The following ZNF804B variants were observed in gnomAD, a reference collection of about 807,000 sequenced individuals.
The protein encoded by ZNF804B is zinc finger 804B.
A neutral mutation model predicts 101.4 loss-of-function variants in ZNF804B; 80 were observed. That is an observed-to-expected ratio of 0.79 (90% CI 0.66 to 0.95). ZNF804B has a LOEUF of 0.95. Ranked by LOEUF, ZNF804B falls within the 40% of genes least tolerant of loss-of-function variation. ZNF804B has a pLI of 0.00. For missense variants in ZNF804B, 1,673 were observed against 1,561.9 expected (o/e 1.07, Z -1.20); for synonymous variants, 622 against 558.8 (o/e 1.11, Z -1.59).
At chr7:89,071,199 G>C (rs1263084412) in intron 1 of ZNF804B, among the ~76,000 whole-genome samples, 1 of 151,960 alleles carries the variant, frequency 6.6e-6, no homozygotes, top group Non-Finnish European at 1.5e-5. Context: ...TTTTCTGAGT[G>C]TTTTTGATCT....
rs1791017253 is a variant in ZNF804B at position 89,333,464 on chromosome 7, G to A, written c.482G>A (p.Cys161Tyr). ...ATTAAGAATGGCAGAAAGGTATCAT[G>A]CATGAAGAGTGCTCTTCTCCTTAAA... Reference protein sequence around the residue: ...FPIKNGRKVSCMKSALLLKGK... With the variant: ...FPIKNGRKVSYMKSALLLKGK... Residue 161 changes from cysteine to tyrosine, a missense_variant, in exon 4 of 4, where the codon TGC becomes TAC. Coordinates refer to ENST00000333190, the MANE Select transcript of ZNF804B (RefSeq NM_181646.5). 4 of 1,613,216 alleles carry A rather than the reference G, an allele frequency of 2.5e-6. No individual in the cohort carries two copies. Among genetic ancestry groups the A allele is most frequent in the Non-Finnish European group, 3.4e-6 (4 of 1,179,510 alleles).
chr7:89,335,018 G>C lies in ZNF804B; in HGVS notation c.2036G>C (p.Ser679Thr), dbSNP rs776885775. The change falls in exon 4 of 4, where the codon AGT becomes ACT. Residue 679 changes from serine to threonine, a missense_variant. Ser to Thr is a moderately conservative substitution (Grantham distance 58). Transcript: ENST00000333190. ...HGKDFSVILK[S>T]NHISMTSKVS... ...AAAGACTTCAGTGTAATTTTGAAGA[G>C]TAACCACATCAGCATGACCAGCAAG... The C allele has an allele frequency of 5.6e-6, 9 of 1,613,830 alleles. No homozygotes were observed. Among genetic ancestry groups the C allele is most frequent in the Non-Finnish European group, 6.8e-6 (8 of 1,179,910 alleles).
At chr7:89,140,670 G>C (rs1195596263) in intron 1 of ZNF804B, among the ~76,000 whole-genome samples, 2 of 152,066 alleles carry the variant, frequency 1.3e-5, no homozygotes, top group Non-Finnish European at 2.9e-5. Context: ...AGCCTTCATA[G>C]AATTGAAGTG....
At chr7:88,786,016 G>T (rs1790296615) in intron 1 of ZNF804B, among the ~76,000 whole-genome samples, 1 of 152,058 alleles carries the variant, frequency 6.6e-6, no homozygotes, top group African/African-American at 2.4e-5. Flanking sequence ...GAAAGATCCT[G>T]CATGCTCTCT....
rs112850750 is a variant in ZNF804B, at chr7:89,187,714, C to A, written c.109-30441C>A. On this transcript the variant is annotated intron_variant, in intron 1 of 3. Coordinates refer to ENST00000333190, the MANE Select transcript of ZNF804B (RefSeq NM_181646.5). The stretch of plus-strand genomic sequence containing the variant: ...TATTCAGATTCCTTTCCCTCGAATT[C>A]TTGTCTCACTTTCATATTTTATTGT... Among the ~76,000 whole-genome samples the A allele has an allele frequency of 5.6e-3, 852 of 152,218 alleles. 9 individuals are homozygous for A. The highest frequency in any genetic ancestry group is 0.019 in the African/African-American group (809 of 41,558).
At chr7:89,045,249 ATGGAAATGCC>A (rs1789087707) in intron 1 of ZNF804B, among the ~76,000 whole-genome samples, 1 of 152,230 alleles carries the variant, frequency 6.6e-6, no homozygotes, top group South Asian at 2.1e-4. Context: ...CAGACGACGT[ATGGAAATGCC>A]TGGATGTCCA....
intron 1 of ZNF804B, among the ~76,000 whole-genome samples, chr7:88,854,541 T>TCCCTTCCCTTCCCTTC (rs763702761): frequency 6.8e-5 from 6 of 88,620 alleles, no homozygotes; most frequent in Admixed American, 2.7e-4. Context: ...CTTCCTTCCT[T>TCCCTTCCCTTCCCTTC]CCTTCCTTCC....
At chr7:88,790,421 C>T (rs1350544106) in intron 1 of ZNF804B, among the ~76,000 whole-genome samples, 1 of 152,032 alleles carries the variant, frequency 6.6e-6, no homozygotes, top group Non-Finnish European at 1.5e-5. Context: ...GATGCTCTCC[C>T]TCCCCTTGCA....
At chr7:88,794,144 C>T (rs1229506545) in intron 1 of ZNF804B, 2 of 1,514,686 alleles carry the variant, frequency 1.3e-6, no homozygotes, top group Non-Finnish European at 1.8e-6. Flanking sequence ...GTAGCACAAA[C>T]TCCTTAAGAG....
chr7:89,059,237 G>A (rs532273175), intron 1 of ZNF804B, among the ~76,000 whole-genome samples: 131 of 152,242 alleles, frequency 8.6e-4, no homozygotes, highest in South Asian at 4.8e-3. Context: ...ATTACTTTGT[G>A]CATTAGTCTG....
intron 2 of ZNF804B, among the ~76,000 whole-genome samples, 163 bp downstream of exon 2, chr7:89,218,458 C>G (rs1788930582): frequency 6.6e-6 from 1 of 151,964 alleles, no homozygotes; most frequent in Admixed American, 6.6e-5. Context: ...TAAATGTTAT[C>G]CAAAGTCATT....
chr7:88,908,731 C>A (rs1218047053), intron 1 of ZNF804B, among the ~76,000 whole-genome samples: 1 of 151,742 alleles, frequency 6.6e-6, no homozygotes, highest in Non-Finnish European at 1.5e-5. Flanking sequence ...TGTCATCTGA[C>A]TATTTTTAAA....
intron 1 of ZNF804B, among the ~76,000 whole-genome samples, chr7:89,167,630 G>A (rs1298661032): frequency 6.6e-6 from 1 of 152,070 alleles, no homozygotes; most frequent in Non-Finnish European, 1.5e-5. Flanking sequence ...TGGGAAAATA[G>A]TTTCTAGAAT....
At chr7:89,023,846 C>T (rs565382966) in intron 1 of ZNF804B, among the ~76,000 whole-genome samples, 1 of 152,246 alleles carries the variant, frequency 6.6e-6, no homozygotes, top group Admixed American at 6.5e-5. Context: ...TGAAGCACAA[C>T]ATCACTCTTG....
intron 1 of ZNF804B, among the ~76,000 whole-genome samples, chr7:88,948,809 T>C (rs191870494): frequency 1.3e-5 from 2 of 152,070 alleles, no homozygotes; most frequent in African/African-American, 4.8e-5. Context: ...CTATTTCTAA[T>C]GTTGATGGAG....
intron 1 of ZNF804B, among the ~76,000 whole-genome samples, chr7:88,828,002 T>C (rs1226121813): frequency 3.3e-5 from 5 of 152,134 alleles, no homozygotes; most frequent in Admixed American, 6.6e-5. Context: ...AGCTCTTTTT[T>C]CTTTTTGTCA....
intron 1 of ZNF804B, among the ~76,000 whole-genome samples, chr7:88,802,459 CCA>C (rs1790606742): frequency 1.3e-5 from 2 of 151,900 alleles, no homozygotes; most frequent in Admixed American, 1.3e-4. Context: ...AAATTCTGTA[CCA>C]CACTTACTAA....
intron 2 of ZNF804B, among the ~76,000 whole-genome samples, chr7:89,313,246 T>C (rs1040100246): frequency 6.6e-6 from 1 of 152,230 alleles, no homozygotes; most frequent in African/African-American, 2.4e-5. Context: ...TGTTTCTTCA[T>C]CTTTAAAATT....
At chr7:89,043,808 A>C (rs966649426) in intron 1 of ZNF804B, among the ~76,000 whole-genome samples, 30 of 152,184 alleles carry the variant, frequency 2.0e-4, no homozygotes, top group African/African-American at 7.0e-4. Flanking sequence ...GATTGTTGTT[A>C]AAATTCAGAG....
Sources: allele counts gnomAD v4.1 joint callset (sites outside exome capture counted in the v4.1 genomes callset), GRCh38; gene constraint gnomAD v4.1.1; transcripts MANE v1.5; gene names NCBI Gene and HGNC (gene_info 2026-07-23, HGNC 2026-07-21).